Variants in LARGE2 observed in about 807,000 individuals in gnomAD.
LARGE2 encodes the protein xylosyl- and glucuronyltransferase LARGE2.
Under a neutral mutation model 75.3 loss-of-function variants are expected in LARGE2, and 63 were observed. The observed-to-expected ratio is 0.84, with a 90% CI of 0.68 to 1.03. The LOEUF (loss-of-function observed/expected upper bound fraction) is 1.03, where lower values mean the gene tolerates loss of function less well. LARGE2 is among the 50% of genes least tolerant of loss of function. The pLI is 0.00. For synonymous variants in LARGE2, 428 were observed against 420.1 expected, an observed-to-expected ratio of 1.02 and a Z score of -0.23; for missense variants, 925 against 980.6, an observed-to-expected ratio of 0.94 and a Z score of 0.76.
At chr11:45,922,618 T>C (rs1460659846), upstream of LARGE2, 1 of 293,532 alleles carries the variant, frequency 3.4e-6, no homozygotes, top group African/African-American at 2.2e-5. Context: ...CCCGCTGAGG[T>C]GAAACCTGAG....
intron 13 of LARGE2, 79 bp downstream of exon 13, chr11:45,928,451 G>T: frequency 6.5e-7 from 1 of 1,549,148 alleles, no homozygotes; most frequent in Non-Finnish European, 8.8e-7. Context: ...CTGCATGGGG[G>T]ACCACACCAC....
intron 11 of LARGE2, 41 bp from the exon 12 acceptor site, chr11:45,927,879 T>C (rs1219007813): frequency 1.2e-6 from 2 of 1,610,286 alleles, no homozygotes; most frequent in South Asian, 2.2e-5. Context: ...CAGTCCTAGA[T>C]GCCCCGCTCT....
In LARGE2 at chr11:45,926,807, C is replaced by G. The variant is rs150922857; in HGVS notation, c.1261C>G (p.Pro421Ala). 6.2e-7 allele frequency: 1 copy of G among 1,613,520 alleles called. No homozygotes were observed. Among genetic ancestry groups the G allele is most frequent in the Non-Finnish European group, 8.5e-7 (1 of 1,180,000 alleles). The stretch of plus-strand genomic sequence containing the variant: ...GCACCGTGTGCATGTCACTTTCCTG[C>G]CCCATGAACCGCCACCCCCCCGGCC... ...TVHRVHVTFL[P>A]HEPPPPRPHD... Residue 421 changes from proline to alanine, a missense_variant, in exon 10 of 14, where the codon CCC becomes GCC. Pro to Ala is a conservative substitution (Grantham distance 27). Transcript: ENST00000401752.
chr11:45,928,579 C>T (rs2087374134), intron 13 of LARGE2, 51 bp from the exon 14 acceptor site: 2 of 1,589,356 alleles, frequency 1.3e-6, no homozygotes, highest in East Asian at 2.2e-5. Context: ...TGCACCTTCC[C>T]CGCAGGCCAG....
At chr11:45,927,736 G>A in intron 11 of LARGE2, 143 bp downstream of exon 11, 1 of 1,435,696 alleles carries the variant, frequency 7.0e-7, no homozygotes, top group Non-Finnish European at 9.6e-7. Context: ...CTGTTTCTCT[G>A]GGCTGTCAAC....
chr11:45,923,300 C>A (rs904072018), intron 2 of LARGE2, 133 bp downstream of exon 2: 1 of 1,118,026 alleles, frequency 8.9e-7, no homozygotes, highest in Non-Finnish European at 1.2e-6. Flanking sequence ...GCACCTCGAA[C>A]GTGCAGCTCC....
chr11:45,923,175 C>A lies in LARGE2; in HGVS notation c.285+8C>A, dbSNP rs1433964902. On this transcript the variant is annotated splice_region_variant and intron_variant, in intron 2 of 13. Coordinates refer to ENST00000401752, the MANE Select transcript of LARGE2 (RefSeq NM_001300721.2). ...CCGCCGCCCAAGTGCGAGGTAGGTGCGCGCGGCCCTGGCGGCGGGAGTCCT... is the reference window on the plus strand; with the variant it reads ...CCGCCGCCCAAGTGCGAGGTAGGTGAGCGCGGCCCTGGCGGCGGGAGTCCT... 3 of 1,329,978 alleles carry A rather than the reference C, an allele frequency of 2.3e-6. No individual in the cohort carries two copies. The highest frequency in any genetic ancestry group is 2.9e-6 in the Non-Finnish European group (3 of 1,048,778). The allele number at this position is 1,329,978 out of a possible 1,614,324, so 82.4% of individuals were successfully genotyped here.
intron 9 of LARGE2, 43 bp downstream of exon 9, chr11:45,926,640 G>A (rs1306558178): frequency 1.2e-6 from 2 of 1,612,948 alleles, no homozygotes; most frequent in Admixed American, 3.3e-5. Context: ...TGCTTTGGTG[G>A]GACCCAGCCT....
upstream of LARGE2, chr11:45,922,616 G>A (rs948750186): frequency 1.7e-5 from 5 of 294,622 alleles, no homozygotes; most frequent in African/African-American, 4.4e-5. Flanking sequence ...GCCCCGCTGA[G>A]GTGAAACCTG....
In LARGE2 at chr11:45,923,098, G is replaced by T; in HGVS notation, c.216G>T (p.Pro72=). Residue 72 remains proline (P), a synonymous_variant, in exon 2 of 14, where the codon CCG becomes CCT. Coordinates refer to ENST00000401752, the MANE Select transcript of LARGE2 (RefSeq NM_001300721.2). ...LRRAAALDGD[P]GAGPGDHNRS... ...GAGCCGCCGCCCTCGACGGAGACCC[G>T]GGGGCCGGCCCCGGGGACCACAACC... is the stretch of plus-strand genomic sequence containing the variant. 7.1e-7 allele frequency: 1 copy of T among 1,399,258 alleles called. No individual in the cohort carries two copies. Among genetic ancestry groups the T allele is most frequent in the East Asian group, 3.1e-5 (1 of 32,494 alleles). 86.7% of individuals were successfully genotyped at this position (1,399,258 alleles called of 1,614,324 possible). A position where few individuals can be genotyped will look rare whatever the true frequency, so the allele number is the denominator to read the frequency against.
rs141577566 is a variant in LARGE2 at position 45,926,319 on chromosome 11, G to A, written c.980G>A (p.Arg327His). Residue 327 changes from arginine (R) to histidine (H), a missense_variant, in exon 8 of 14, where the codon CGC (arginine) becomes CAC (histidine). Around this residue, in one of 3 missense-constraint regions of LARGE2, gnomAD observed 453 missense variants for 460.2 expected, o/e 0.98. Transcript: ENST00000401752. ...CTGTCAGATCACACACTGGCCGAGC[G>A]CTGCTACTCTGAGGCGTCTGACCTC... The part of the protein sequence containing the change: ...VQLSDHTLAE[R>H]CYSEASDLKV... The A allele has an allele frequency of 5.4e-4, 873 of 1,614,058 alleles. No homozygotes were observed. Among genetic ancestry groups the A allele is most frequent in the Non-Finnish European group, 6.9e-4 (815 of 1,180,040 alleles).
chr11:45,923,371 C>A, intron 2 of LARGE2, 102 bp from the exon 3 acceptor site: 1 of 1,247,332 alleles, frequency 8.0e-7, no homozygotes, highest in Non-Finnish European at 1.1e-6. Context: ...GCCCCCTCCG[C>A]ACACTGTTCC....
chr11:45,922,872 C>T lies in LARGE2; in HGVS notation c.-11C>T. On this transcript the variant is annotated 5_prime_UTR_variant, in exon 2 of 14. Coordinates refer to ENST00000401752, the MANE Select transcript of LARGE2 (RefSeq NM_001300721.2). ...GGTCGCGTCCCTCCCTGAGCGCCCC[C>T]GTCGGCGGCCATGCTGCCCCGAGGG... The T allele has an allele frequency of 1.6e-6, 2 of 1,253,454 alleles. No individual in the cohort carries two copies. Among genetic ancestry groups the T allele is most frequent in the Admixed American group, 4.2e-5 (1 of 23,588 alleles). The allele number at this position is 1,253,454 out of a possible 1,614,324, so 77.6% of individuals were successfully genotyped here. A position where few individuals can be genotyped will look rare whatever the true frequency, so the allele number is the denominator to read the frequency against.
chr11:45,922,782 C>T (rs2086967095), intron 1 of LARGE2, 39 bp from the exon 2 acceptor site: 1 of 1,008,790 alleles, frequency 9.9e-7, no homozygotes. Context: ...GGCCCCGCCG[C>T]CCAGGGCTGA....
upstream of LARGE2, chr11:45,922,652 C>G (rs2086958374): frequency 3.0e-6 from 1 of 335,120 alleles, no homozygotes; most frequent in Non-Finnish European, 5.3e-6. Flanking sequence ...CGGGACCGGC[C>G]CGCGCCTCTC....
chr11:45,928,709 G>T lies in LARGE2; in HGVS notation c.2030G>T (p.Arg677Leu), dbSNP rs144746266. Reference protein sequence around the residue: ...HAPSLDISRFRSSPTYRDCLQ... With the variant: ...HAPSLDISRFLSSPTYRDCLQ... ...CCAAGCCTGGACATCTCCCGCTTCC[G>T]CTCCAGCCCCACCTATCGTGACTGC... Residue 677 changes from arginine to leucine, a missense_variant, in exon 14 of 14, where the codon CGC becomes CTC. By Grantham distance (102) the Arg-to-Leu change is moderately radical (BLOSUM62 -2). Transcript: ENST00000401752. The T allele has an allele frequency of 5.3e-5, 86 of 1,614,068 alleles. 3 individuals are homozygous for T. The South Asian group carries it at 6.2e-4, about 12-fold the overall frequency.
rs1283978386 is a variant in LARGE2 at position 45,923,146 on chromosome 11, G to A, written c.264G>A (p.Pro88=). ...ACCGCTCCGACTGCGGCCCGCAGCCGCCGCCGCCGCCCAAGTGCGAGGTAG... is the reference window on the plus strand; with the variant it reads ...ACCGCTCCGACTGCGGCCCGCAGCCACCGCCGCCGCCCAAGTGCGAGGTAG... The part of the protein sequence containing the change: ...DHNRSDCGPQ[P]PPPPKCELLH... The change falls in exon 2 of 14, where the codon CCG becomes CCA. Residue 88 remains proline, a synonymous_variant. Transcript: ENST00000401752. The A allele has an allele frequency of 2.2e-6, 3 of 1,343,120 alleles. No individual in the cohort carries two copies. The highest frequency in any genetic ancestry group is 1.9e-5 in the South Asian group (1 of 51,614). The allele number at this position is 1,343,120 out of a possible 1,614,324, so 83.2% of individuals were successfully genotyped here.
At position 45,927,438 on chromosome 11, in the gene LARGE2, C is replaced by T. The variant is rs2087205043; in HGVS notation, c.1449C>T (p.Ala483=). The change falls in exon 11 of 14, where the codon GCC becomes GCT. Residue 483 remains alanine (A), a synonymous_variant. Transcript: ENST00000401752. ...HFVEASPVLA[A]RQDVAYHVVY... is the part of the protein sequence containing the mutation. ...TCGAGGCCTCACCAGTGCTTGCTGC[C>T]CGGCAGGACGTGGCCTACCATGTGG... The T allele has an allele frequency of 6.2e-7, 1 of 1,614,206 alleles. No homozygotes were observed. Among genetic ancestry groups the T allele is most frequent in the Non-Finnish European group, 8.5e-7 (1 of 1,180,040 alleles).
At chr11:45,923,342 T>C in intron 2 of LARGE2, 131 bp from the exon 3 acceptor site, 1 of 1,117,206 alleles carries the variant, frequency 9.0e-7, no homozygotes, top group East Asian at 2.5e-5. Context: ...CCATTTGAAA[T>C]GAAGGGTTGG....
Sources: gnomAD v4.1 joint callset for allele counts on GRCh38, gnomAD v4.1.1 for gene constraint, gnomAD v4.1.1 regional missense constraint, MANE v1.5 for transcripts, NCBI Gene and HGNC (gene_info 2026-07-23, HGNC 2026-07-21) for gene names.